The following RBM33 variants were observed in gnomAD, a reference collection of about 807,000 sequenced individuals.
RBM33 encodes the protein RNA-binding protein 33.
In RBM33, 28 loss-of-function variants were observed where a neutral mutation model predicts 132.6. The ratio of observed to expected loss-of-function variants is 0.21; its 90% CI spans 0.16 to 0.29. RBM33 has a LOEUF of 0.29. Among genes scored for constraint, RBM33 ranks in the 10% least tolerant of loss-of-function variants. RBM33 has a pLI of 1.00. For synonymous variants in RBM33, 634 were observed against 593.0 expected (o/e 1.07, Z -1.01); for missense variants, 1,291 against 1,518.5 (o/e 0.85, Z 2.49).
intron 8 of RBM33, among the ~76,000 whole-genome samples, chr7:155,715,274 T>C (rs952899417): frequency 6.6e-6 from 1 of 152,220 alleles, no homozygotes; most frequent in African/African-American, 2.4e-5. Context: ...GGAACTGCTG[T>C]CAGTCTAATT....
intron 7 of RBM33, among the ~76,000 whole-genome samples, chr7:155,709,768 A>G (rs1157001413): frequency 6.6e-6 from 1 of 152,208 alleles, no homozygotes; most frequent in Admixed American, 6.5e-5. Context: ...ATGTGCACAG[A>G]TGTGATGAGT....
intron 8 of RBM33, 25 bp from the exon 9 acceptor site, chr7:155,718,360 C>G (rs758895977): frequency 1.2e-6 from 2 of 1,607,808 alleles, no homozygotes; most frequent in South Asian, 1.1e-5. Flanking sequence ...AAGTGTGTCT[C>G]TAACACAAGG....
At chr7:155,648,857 G>A (rs1170264308) in intron 1 of RBM33, among the ~76,000 whole-genome samples, 1 of 152,116 alleles carries the variant, frequency 6.6e-6, no homozygotes, top group African/African-American at 2.4e-5. Context: ...CATCGTTTCT[G>A]ATGAGAAATT....
At chr7:155,724,655 TATATA>T (rs1363226785) in intron 9 of RBM33, among the ~76,000 whole-genome samples, 10 of 152,200 alleles carry the variant, frequency 6.6e-5, no homozygotes, top group Non-Finnish European at 1.3e-4. Context: ...TGCCTACAGT[TATATA>T]ATCATCCAGG....
intron 12 of RBM33, 124 bp downstream of exon 12, chr7:155,740,150 G>A: frequency 1.5e-6 from 2 of 1,306,342 alleles, no homozygotes; most frequent in South Asian, 1.7e-5. Flanking sequence ...AAAATGTGTA[G>A]TACATAGTTC....
chr7:155,673,716 A>G (rs1325158074), intron 3 of RBM33, among the ~76,000 whole-genome samples: 1 of 147,544 alleles, frequency 6.8e-6, no homozygotes, highest in Non-Finnish European at 1.5e-5. Context: ...ACACGTGTAT[A>G]TATATACACA....
chr7:155,648,002 A>C lies in RBM33; in HGVS notation c.43+3083A>C, dbSNP rs116552991. 7.0e-3 allele frequency among the ~76,000 whole-genome samples: 1,065 copies of C among 152,332 alleles called. 18 individuals are homozygous for C. The highest frequency in any genetic ancestry group is 0.024 in the African/African-American group (1,003 of 41,580). ...CCTAGTGAGTGCGTTATCTCACTTA[A>C]GATTTACAACAGCATTCTTGGGCCT... On this transcript the variant is annotated intron_variant, in intron 1 of 17. Coordinates refer to ENST00000401878, the MANE Select transcript of RBM33 (RefSeq NM_053043.3).
At chr7:155,705,914 T>C (rs1490529430) in intron 6 of RBM33, among the ~76,000 whole-genome samples, 4 of 152,220 alleles carry the variant, frequency 2.6e-5, no homozygotes, top group Admixed American at 2.0e-4. Context: ...TCTCTGTCAG[T>C]CTGCATGCAT....
intron 3 of RBM33, among the ~76,000 whole-genome samples, chr7:155,673,174 C>T (rs948748328): frequency 6.6e-6 from 1 of 151,234 alleles, no homozygotes; most frequent in African/African-American, 2.5e-5. Context: ...TGGATTGTGA[C>T]AGCGTTAACA....
intron 1 of RBM33, among the ~76,000 whole-genome samples, chr7:155,650,787 T>C (rs1476445256): frequency 6.6e-6 from 1 of 152,262 alleles, no homozygotes; most frequent in African/African-American, 2.4e-5. Flanking sequence ...TACGATCATT[T>C]AAATTTTCCT....
chr7:155,665,637 A>G (rs1327812730), intron 2 of RBM33, among the ~76,000 whole-genome samples: 1 of 152,174 alleles, frequency 6.6e-6, no homozygotes, highest in African/African-American at 2.4e-5. Context: ...ATATGTGTAG[A>G]TGGTATTTCA....
At chr7:155,672,472 G>A (rs547167602) in intron 2 of RBM33, among the ~76,000 whole-genome samples, 62 of 152,128 alleles carry the variant, frequency 4.1e-4, no homozygotes, top group Non-Finnish European at 7.3e-4. Context: ...AAGTATCCAA[G>A]CTGGCCGGGC....
intron 12 of RBM33, among the ~76,000 whole-genome samples, chr7:155,741,403 T>C (rs1801330889): frequency 1.3e-5 from 2 of 152,246 alleles, no homozygotes; most frequent in African/African-American, 4.8e-5. Flanking sequence ...CTTTCCTTGT[T>C]CCAGCTTAAA....
At position 155,774,842 on chromosome 7, in the gene RBM33, GT is replaced by G. The variant is rs1802551166; in HGVS notation, c.3465-147del. 1.3e-6 allele frequency: 1 copy of G among 787,312 alleles called. No homozygotes were observed. The highest frequency in any genetic ancestry group is 2.1e-6 in the Non-Finnish European group (1 of 474,212). The allele number at this position is 787,312 out of a possible 1,614,324, so 48.8% of individuals were successfully genotyped here. A position where few individuals can be genotyped will look rare whatever the true frequency, so the allele number is the denominator to read the frequency against. On this transcript the variant is annotated intron_variant, in intron 17 of 17. Coordinates refer to ENST00000401878, the MANE Select transcript of RBM33 (RefSeq NM_053043.3). The surrounding 1 kb of genome is among the most constrained non-coding windows in gnomAD (Gnocchi z 4.2). ...TGTCTGGTGGAGAATTGCCCCTTGT[GT>G]TTTAATAGATCTTCCCGGGGAATCT...
chr7:155,651,286 A>G (rs1798346345), intron 1 of RBM33, among the ~76,000 whole-genome samples: 2 of 152,150 alleles, frequency 1.3e-5, no homozygotes, highest in South Asian at 4.1e-4. Flanking sequence ...TGTTGGGTCC[A>G]GAATTTTAGA....
intron 13 of RBM33, among the ~76,000 whole-genome samples, chr7:155,743,817 T>G (rs922013752): frequency 1.3e-5 from 2 of 152,204 alleles, no homozygotes; most frequent in African/African-American, 4.8e-5. Context: ...TTTGAGGCAG[T>G]GGCCCCTTGG....
intron 9 of RBM33, among the ~76,000 whole-genome samples, chr7:155,726,501 C>T (rs1287349821): frequency 6.6e-6 from 1 of 151,882 alleles, no homozygotes; most frequent in Non-Finnish European, 1.5e-5. Context: ...AATTTCTTAC[C>T]TTGGATTTTT....
chr7:155,738,940 C>G (rs1417200408), intron 11 of RBM33: 1 of 155,192 alleles, frequency 6.4e-6, no homozygotes, highest in African/African-American at 2.4e-5. Flanking sequence ...GGTTGACATG[C>G]GTCTGTAACA....
intron 6 of RBM33, among the ~76,000 whole-genome samples, chr7:155,705,688 A>G (rs1203807623): frequency 1.3e-5 from 2 of 152,206 alleles, no homozygotes; most frequent in African/African-American, 4.8e-5. Context: ...TGTTGTCCCA[A>G]TTTAGCTAGT....
Sources: gnomAD v4.1 joint callset for allele counts (sites outside exome capture counted in the v4.1 genomes callset) on GRCh38, gnomAD v4.1.1 for gene constraint, Gnocchi (gnomAD v3.1) non-coding constraint, MANE v1.5 for transcripts, NCBI Gene and HGNC (gene_info 2026-07-23, HGNC 2026-07-21) for gene names.